The following SAMD12 variants were observed in gnomAD, a reference collection of about 807,000 sequenced individuals.
The protein encoded by SAMD12 is sterile alpha motif domain-containing protein 12.
A neutral mutation model predicts 15.0 loss-of-function variants in SAMD12; 9 were observed. The observed-to-expected ratio is 0.60, with a 90% confidence interval of 0.36 to 1.05. The LOEUF is 1.05. Ranked by LOEUF, SAMD12 falls within the 50% of genes least tolerant of loss-of-function variation. The pLI, the probability that SAMD12 is intolerant of heterozygous loss-of-function variation, is 0.01. For missense variants in SAMD12, 230 were observed against 234.2 expected, an observed-to-expected ratio of 0.98 and a Z score of 0.12; for synonymous variants, 86 against 90.1, an observed-to-expected ratio of 0.96 and a Z score of 0.25.
At chr8:118,201,527 C>T (rs1275513519) in intron 4 of SAMD12, among the ~76,000 whole-genome samples, 2 of 152,118 alleles carry the variant, frequency 1.3e-5, no homozygotes, top group Non-Finnish European at 2.9e-5. Context: ...GTGGGTGATG[C>T]CATGTCTTAT....
intron 2 of SAMD12, among the ~76,000 whole-genome samples, chr8:118,516,540 A>G (rs1327811177): frequency 6.6e-6 from 1 of 152,006 alleles, no homozygotes; most frequent in East Asian, 1.9e-4. Context: ...CCTTTCTTAG[A>G]CTGTAAATGT....
At chr8:118,242,725 C>G (rs181324772) in intron 4 of SAMD12, among the ~76,000 whole-genome samples, 17 of 152,140 alleles carry the variant, frequency 1.1e-4, no homozygotes, top group Admixed American at 9.8e-4. Context: ...CTGCCACATC[C>G]CCACTCCTGC....
At chr8:118,134,746 T>C in the SAMD12 span, among the ~76,000 whole-genome samples, 1 of 152,194 alleles carries the variant, frequency 6.6e-6, no homozygotes, top group South Asian at 2.1e-4. Flanking sequence ...TGCTGCTAAC[T>C]TGTCCGCTGT....
At chr8:118,225,469 GA>G (rs1812168979) in intron 4 of SAMD12, among the ~76,000 whole-genome samples, 1 of 152,124 alleles carries the variant, frequency 6.6e-6, no homozygotes, top group Non-Finnish European at 1.5e-5. Flanking sequence ...CTGGCTCCTA[GA>G]AAGGATCTGG....
At chr8:118,167,193 C>T in the SAMD12 span, among the ~76,000 whole-genome samples, 202 of 151,984 alleles carry the variant, frequency 1.3e-3, 1 homozygote, top group Non-Finnish European at 2.2e-4. Context: ...CAGCCCCCCG[C>T]GCCCCCCACA....
chr8:118,376,622 A>C (rs888887509), downstream of SAMD12, among the ~76,000 whole-genome samples: 7 of 152,160 alleles, frequency 4.6e-5, no homozygotes, highest in Admixed American at 2.6e-4. Flanking sequence ...ATAATCATCA[A>C]CAACAAACAA....
At chr8:118,366,886 A>AAATAAAAT (rs1563800126) in intron 4 of SAMD12, among the ~76,000 whole-genome samples, 58 of 39,594 alleles carry the variant, frequency 1.5e-3, no homozygotes, top group Non-Finnish European at 1.7e-3. Context: ...TAAAATAATA[A>AAATAAAAT]AATAAAATAA....
At chr8:118,524,261 G>T (rs903820502) in intron 2 of SAMD12, among the ~76,000 whole-genome samples, 5 of 152,008 alleles carry the variant, frequency 3.3e-5, no homozygotes, top group Admixed American at 6.6e-5. Flanking sequence ...ACTCCACATT[G>T]CTGAATCCTA....
At position 118,511,909 on chromosome 8, in the gene SAMD12, G is replaced by T. The variant is rs182819122; in HGVS notation, c.192+68806C>A. On this transcript the variant is annotated intron_variant, in intron 2 of 3. Coordinates refer to ENST00000314727, the MANE Select transcript of SAMD12 (RefSeq NM_207506.3). ...TTGCAAACACTTGTTGCTACTTTTA[G>T]GATGAAAAGACAAATCAAACTTGCC... Among the ~76,000 whole-genome samples the T allele has an allele frequency of 2.6e-5, 4 of 152,230 alleles. No homozygotes were observed. The East Asian group carries it at 7.8e-4, about 30-fold the overall frequency.
chr8:118,550,836 C>G (rs1270091844), intron 2 of SAMD12, among the ~76,000 whole-genome samples: 1 of 151,180 alleles, frequency 6.6e-6, no homozygotes, highest in Non-Finnish European at 1.5e-5. Context: ...GGAGGAAGAT[C>G]TACCAAGCAA....
intron 4 of SAMD12, among the ~76,000 whole-genome samples, chr8:118,306,326 A>G (rs1483373692): frequency 6.6e-6 from 1 of 152,162 alleles, no homozygotes; most frequent in East Asian, 1.9e-4. Flanking sequence ...TCTAATATGA[A>G]TATTTAGCTG....
chr8:118,449,798 CAA>C (rs35279962), intron 2 of SAMD12, among the ~76,000 whole-genome samples: 946 of 72,322 alleles, frequency 0.013, 8 homozygotes, highest in African/African-American at 0.047. Context: ...GAGACTGTCT[CAA>C]AAAAAAAAAA....
At chr8:118,620,231 G>A (rs1026751980) in intron 1 of SAMD12, among the ~76,000 whole-genome samples, 1 of 152,092 alleles carries the variant, frequency 6.6e-6, no homozygotes, top group African/African-American at 2.4e-5. Flanking sequence ...GGGGACACAG[G>A]AGTGGTGAAG....
downstream of SAMD12, among the ~76,000 whole-genome samples, chr8:118,376,162 C>T (rs180924364): frequency 1.3e-3 from 198 of 152,258 alleles, no homozygotes; most frequent in African/African-American, 3.7e-3. Flanking sequence ...TCCTAAGAAA[C>T]GCAATCATTT....
intron 1 of SAMD12, among the ~76,000 whole-genome samples, chr8:118,603,952 CAAT>C (rs1302367768): frequency 6.6e-6 from 1 of 152,098 alleles, no homozygotes; most frequent in Admixed American, 6.6e-5. Flanking sequence ...TTTTAAAAGA[CAAT>C]GACTAATTTT....
At chr8:118,601,526 G>A (rs1468366296) in intron 1 of SAMD12, among the ~76,000 whole-genome samples, 2 of 152,076 alleles carry the variant, frequency 1.3e-5, no homozygotes, top group Non-Finnish European at 2.9e-5. Flanking sequence ...AAAACTTAAC[G>A]TGGCTGGCAG....
chr8:118,359,252 G>C (rs1038381054), intron 4 of SAMD12, among the ~76,000 whole-genome samples: 1 of 152,200 alleles, frequency 6.6e-6, no homozygotes, highest in South Asian at 2.1e-4. Context: ...TGACAACCAT[G>C]TGAAGACACA....
chr8:118,354,217 G>A (rs544979111), intron 4 of SAMD12, among the ~76,000 whole-genome samples: 2 of 152,070 alleles, frequency 1.3e-5, no homozygotes, highest in Non-Finnish European at 2.9e-5. Context: ...ATTTATAAAA[G>A]GCATAAAAAA....
chr8:118,256,388 A>C (rs1442880913), intron 4 of SAMD12, among the ~76,000 whole-genome samples: 1 of 152,122 alleles, frequency 6.6e-6, no homozygotes, highest in African/African-American at 2.4e-5. Context: ...CTGTGAGAAC[A>C]TATTTCCTCA....
Sources: allele counts gnomAD v4.1 joint callset (sites outside exome capture counted in the v4.1 genomes callset), GRCh38; gene constraint gnomAD v4.1.1; transcripts MANE v1.5; gene names NCBI Gene and HGNC (gene_info 2026-07-23, HGNC 2026-07-21).